Variants in MIGA2 observed in about 807,000 individuals in gnomAD.
The protein encoded by MIGA2 is mitoguardin 2, also known as family with sequence similarity 73, member B.
MIGA2 carries 36 observed loss-of-function variants against 69.9 expected under a neutral mutation model. The ratio of observed to expected loss-of-function variants is 0.52; its 90% CI spans 0.39 to 0.68. The LOEUF (loss-of-function observed/expected upper bound fraction) is 0.68. Among genes scored for constraint, MIGA2 ranks in the 30% least tolerant of loss-of-function variants. The pLI, the probability that MIGA2 is intolerant of heterozygous loss-of-function variation, is 0.00. For missense variants in MIGA2, 660 were observed against 787.7 expected (o/e 0.84, Z 1.94); for synonymous variants, 333 against 349.2 (o/e 0.95, Z 0.52).
intron 11 of MIGA2, among the ~76,000 whole-genome samples, chr9:129,066,054 C>A (rs1480130910): frequency 6.6e-6 from 1 of 152,188 alleles, no homozygotes; most frequent in Non-Finnish European, 1.5e-5. Context: ...TGGCAGTGGC[C>A]GTTTACCTGG....
intron 6 of MIGA2, among the ~76,000 whole-genome samples, chr9:129,056,438 A>G (rs1429337254): frequency 6.6e-6 from 1 of 152,154 alleles, no homozygotes; most frequent in Non-Finnish European, 1.5e-5. Flanking sequence ...AAAGAACTAC[A>G]GTAGGCAATG....
In MIGA2 at chr9:129,068,522, G is replaced by A; in HGVS notation, c.1404+190G>A. On this transcript the variant is annotated intron_variant, in intron 13 of 15. Coordinates refer to ENST00000684074, the MANE Select transcript of MIGA2 (RefSeq NM_001329990.2). The surrounding 1 kb of genome is among the most constrained non-coding windows in gnomAD (Gnocchi z 4.1). ...CCAGGGTGCCCCGTTGCTGCCTGGTGCCCCAGTTTAGAACCAACATGGTGT... is the reference window on the plus strand; with the variant it reads ...CCAGGGTGCCCCGTTGCTGCCTGGTACCCCAGTTTAGAACCAACATGGTGT... 3.0e-6 allele frequency: 2 copies of A among 669,104 alleles called. No homozygotes were observed. Among genetic ancestry groups the A allele is most frequent in the East Asian group, 2.8e-5 (1 of 35,786 alleles). The allele number at this position is 669,104 out of a possible 1,614,324, so 41.4% of individuals were successfully genotyped here.
At position 129,061,328 on chromosome 9, in the gene MIGA2, T is replaced by C. The variant is rs974217091; in HGVS notation, c.992T>C (p.Val331Ala). ...CTGCAGCTGGTGAAGGAGGGGAGAG[T>C]GCCTTGCCGGACCCTCAGGTGAGCA... ...EALQLVKEGR[V>A]PCRTLRTELL... The change falls in exon 9 of 16, where the codon GTG becomes GCG. Residue 331 changes from valine to alanine, a missense_variant. Val to Ala is a moderately conservative substitution (Grantham distance 64, BLOSUM62 0). Coordinates refer to ENST00000684074, the MANE Select transcript of MIGA2 (RefSeq NM_001329990.2). This position sits in a 1 kb window ranked among gnomAD's most constrained non-coding sequence, Gnocchi z 5.0. 1 of 1,455,426 alleles carries C rather than the reference T, an allele frequency of 6.9e-7. No individual in the cohort carries two copies. The highest frequency in any genetic ancestry group is 9.2e-7 in the Non-Finnish European group (1 of 1,083,298). 90.2% of individuals were successfully genotyped at this position (1,455,426 alleles called of 1,614,324 possible).
intron 6 of MIGA2, among the ~76,000 whole-genome samples, chr9:129,055,335 C>T (rs1845741148): frequency 6.6e-6 from 1 of 151,974 alleles, no homozygotes; most frequent in Non-Finnish European, 1.5e-5. Context: ...GCCTCGGCCT[C>T]CCAAAGTGCT....
At chr9:129,039,552 T>TTTA (rs1027309142) in intron 1 of MIGA2, among the ~76,000 whole-genome samples, 13 of 150,450 alleles carry the variant, frequency 8.6e-5, no homozygotes, top group Admixed American at 1.3e-4. Context: ...GCTTCTTTAT[T>TTTA]TTATTATTAT....
intron 6 of MIGA2, among the ~76,000 whole-genome samples, chr9:129,054,626 T>A (rs1301249815): frequency 6.6e-6 from 1 of 152,378 alleles, no homozygotes; most frequent in East Asian, 1.9e-4. Context: ...TGTGGCCTTT[T>A]GCGACTGCCT....
Position 129,048,421 on chromosome 9 carries a change from TCA to T in MIGA2, c.308-3_308-2del, listed in dbSNP as rs1465537701. The T allele has an allele frequency of 1.9e-6, 3 of 1,613,104 alleles. No homozygotes were observed. The South Asian group carries it at 3.3e-5, about 18-fold the overall frequency. On this transcript the variant is annotated splice_region_variant and splice_polypyrimidine_tract_variant and intron_variant, in intron 3 of 15. Transcript: ENST00000684074. ...TGTGTGACGCCTGCCCTTCTGCTCC[TCA>T]CAGGATACTCCAGCCGGAGAGTCCA...
At chr9:129,053,304 C>T (rs560135823) in intron 6 of MIGA2, among the ~76,000 whole-genome samples, 1 of 152,266 alleles carries the variant, frequency 6.6e-6, no homozygotes, top group South Asian at 2.1e-4. Context: ...GTGCCTGCAG[C>T]CCTTCATCCA....
chr9:129,053,666 C>T (rs918767875), intron 6 of MIGA2, among the ~76,000 whole-genome samples: 1 of 152,132 alleles, frequency 6.6e-6, no homozygotes, highest in Non-Finnish European at 1.5e-5. Context: ...TGCGCCTGGC[C>T]TATTGCTATA....
rs1223910592 is a variant in MIGA2, at chr9:129,060,531, C to A, written c.794-19C>A. On this transcript the variant is annotated intron_variant, in intron 7 of 15. Coordinates refer to ENST00000684074, the MANE Select transcript of MIGA2 (RefSeq NM_001329990.2). This position sits in a 1 kb window ranked among gnomAD's most constrained non-coding sequence, Gnocchi z 4.8. The stretch of plus-strand genomic sequence containing the variant: ...GTGTGGGGAGTCTCAGCCCCGCTTT[C>A]TCTCACTGCTCTTCCCAGAGAGGAC... 6.4e-7 allele frequency: 1 copy of A among 1,570,568 alleles called. No individual in the cohort carries two copies. The highest frequency in any genetic ancestry group is 8.7e-7 in the Non-Finnish European group (1 of 1,156,032).
Position 129,068,078 on chromosome 9 carries a change from C to A in MIGA2, c.1270-120C>A. On this transcript the variant is annotated intron_variant, in intron 12 of 15. Coordinates refer to ENST00000684074, the MANE Select transcript of MIGA2 (RefSeq NM_001329990.2). This position sits in a 1 kb window ranked among gnomAD's most constrained non-coding sequence, Gnocchi z 4.1. ...CCGTTGCACAGCAGAGCGGGAAAGA[C>A]GTGTCCCCCCCACGTGTGCTCATGC... 7.0e-7 allele frequency: 1 copy of A among 1,432,854 alleles called. No individual in the cohort carries two copies. The highest frequency in any genetic ancestry group is 9.8e-7 in the Non-Finnish European group (1 of 1,020,272). The allele number at this position is 1,432,854 out of a possible 1,614,324, so 88.8% of individuals were successfully genotyped here.
intron 1 of MIGA2, among the ~76,000 whole-genome samples, chr9:129,038,222 G>C (rs1398764352): frequency 6.6e-6 from 1 of 152,108 alleles, no homozygotes; most frequent in African/African-American, 2.4e-5. Flanking sequence ...TCCTTAGCCT[G>C]CCCTGCCCTC....
rs375025465 is a variant in MIGA2 at position 129,063,237 on chromosome 9, C to T, written c.1011-7C>T. Reference sequence around the variant, plus strand: ...AGGTTGTGTGACGCCGTCTGTCCTCCCCTCAGGACGGAGCTGCTGGGCTGC... The same window carrying T: ...AGGTTGTGTGACGCCGTCTGTCCTCTCCTCAGGACGGAGCTGCTGGGCTGC... On this transcript the variant is annotated splice_polypyrimidine_tract_variant and splice_region_variant and intron_variant, in intron 9 of 15. Transcript: ENST00000684074. The T allele has an allele frequency of 4.6e-5, 75 of 1,613,806 alleles. No individual in the cohort carries two copies. Among genetic ancestry groups the T allele is most frequent in the Non-Finnish European group, 6.0e-5 (71 of 1,179,936 alleles).
At chr9:129,067,659 C>T (rs1416019581) in intron 11 of MIGA2, 114 bp from the exon 12 acceptor site, 14 of 883,850 alleles carry the variant, frequency 1.6e-5, no homozygotes, top group Non-Finnish European at 2.1e-5. Context: ...TTTCTCTGTG[C>T]CTGCTGCGTG....
chr9:129,063,054 C>T (rs1846149958), intron 9 of MIGA2, 190 bp from the exon 10 acceptor site: 2 of 609,180 alleles, frequency 3.3e-6, no homozygotes, highest in African/African-American at 1.9e-5. Flanking sequence ...TCCAGGCAGC[C>T]TCGTCCTTTG....
intron 3 of MIGA2, among the ~76,000 whole-genome samples, chr9:129,042,933 G>A (rs909659655): frequency 1.3e-5 from 2 of 152,260 alleles, no homozygotes; most frequent in East Asian, 1.9e-4. Context: ...GGTGGCTCAC[G>A]CCTGTAATCC....
At position 129,069,148 on chromosome 9, in the gene MIGA2, C is replaced by T. The variant is rs369137213; in HGVS notation, c.1458+19C>T. 40 of 1,613,402 alleles carry T rather than the reference C, an allele frequency of 2.5e-5. No homozygotes were observed. Among genetic ancestry groups the T allele is most frequent in the African/African-American group, 5.3e-5 (4 of 74,906 alleles). On this transcript the variant is annotated intron_variant, in intron 14 of 15. Coordinates refer to ENST00000684074, the MANE Select transcript of MIGA2 (RefSeq NM_001329990.2). This position sits in a 1 kb window ranked among gnomAD's most constrained non-coding sequence, Gnocchi z 4.9. ...GCTGATGGTGAGTGACTGGCAGGCC[C>T]GGGGGAGCACGAGCTGGGCTCTGAG...
chr9:129,068,079 G>C lies in MIGA2; in HGVS notation c.1270-119G>C. ...CGTTGCACAGCAGAGCGGGAAAGAC[G>C]TGTCCCCCCCACGTGTGCTCATGCC... On this transcript the variant is annotated intron_variant, in intron 12 of 15. Coordinates refer to ENST00000684074, the MANE Select transcript of MIGA2 (RefSeq NM_001329990.2). The surrounding 1 kb of genome is among the most constrained non-coding windows in gnomAD (Gnocchi z 4.1). 6.9e-7 allele frequency: 1 copy of C among 1,439,788 alleles called. No individual in the cohort carries two copies. The highest frequency in any genetic ancestry group is 9.7e-7 in the Non-Finnish European group (1 of 1,026,138). The allele number at this position is 1,439,788 out of a possible 1,614,324, so 89.2% of individuals were successfully genotyped here.
At chr9:129,042,202 A>G (rs1402873106) in intron 2 of MIGA2, 102 bp from the exon 3 acceptor site, 1 of 1,153,948 alleles carries the variant, frequency 8.7e-7, no homozygotes, top group Non-Finnish European at 1.2e-6. Context: ...GATGTGCCGG[A>G]GAGCCGGTGT....
Sources: allele counts gnomAD v4.1 joint callset (sites outside exome capture counted in the v4.1 genomes callset), GRCh38; gene constraint gnomAD v4.1.1; non-coding constraint Gnocchi (gnomAD v3.1); transcripts MANE v1.5; gene names NCBI Gene and HGNC (gene_info 2026-07-23, HGNC 2026-07-21).